ORC5: variants seen among roughly 807,000 people sequenced by gnomAD.
ORC5 encodes origin recognition complex subunit 5.
In ORC5, 39 loss-of-function variants were observed where a neutral mutation model predicts 58.8. The observed-to-expected ratio is 0.66, with a 90% CI of 0.51 to 0.87. The LOEUF (loss-of-function observed/expected upper bound fraction) is 0.87, where lower values mean the gene tolerates loss of function less well. Among genes scored for constraint, ORC5 ranks in the 40% least tolerant of loss-of-function variants. The pLI is 0.00. For missense variants in ORC5, 493 were observed against 506.3 expected (o/e 0.97, Z 0.25); for synonymous variants, 218 against 177.6 (o/e 1.23, Z -1.81).
At chr7:104,128,895 ATTTT>A (rs923532774) in intron 13 of ORC5, among the ~76,000 whole-genome samples, 1 of 146,526 alleles carries the variant, frequency 6.8e-6, no homozygotes, top group Non-Finnish European at 1.5e-5. Flanking sequence ...TGTGTTGCTA[ATTTT>A]TTTTTTTTCT....
chr7:104,166,145 A>C (rs147134300), intron 10 of ORC5, among the ~76,000 whole-genome samples: 237 of 152,318 alleles, frequency 1.6e-3, no homozygotes, highest in Non-Finnish European at 2.5e-3. Flanking sequence ...GTGAAATAGG[A>C]AACAATAAAG....
Position 104,145,337 on chromosome 7 carries a change from AT to A in ORC5, c.1150-8445del, listed in dbSNP as rs777354865. ...GTTAGGTCCCCAAATGCAGGGGGAG[AT>A]TTACACAAAGTCTGTAGTTCCAGCA... On this transcript the variant is annotated intron_variant, in intron 12 of 13. Coordinates refer to ENST00000297431, the MANE Select transcript of ORC5 (RefSeq NM_002553.4). Among the ~76,000 whole-genome samples the A allele has an allele frequency of 1.5e-3, 229 of 152,310 alleles. 1 individual carries two copies. The highest frequency in any genetic ancestry group is 1.3e-3 in the Non-Finnish European group (87 of 68,022).
chr7:104,197,580 C>A (rs1799830088), intron 4 of ORC5, 145 bp downstream of exon 4: 1 of 527,516 alleles, frequency 1.9e-6, no homozygotes, highest in Non-Finnish European at 3.3e-6. Context: ...ATGAAAAAAA[C>A]ACTGAGCTTT....
At chr7:104,163,681 C>T (rs983712994) in intron 11 of ORC5, among the ~76,000 whole-genome samples, 5 of 151,958 alleles carry the variant, frequency 3.3e-5, no homozygotes, top group South Asian at 4.1e-4. Flanking sequence ...TTAGTAGAGC[C>T]GGGGTTTCAC....
chr7:104,160,029 AC>A (rs1798997387), intron 12 of ORC5, among the ~76,000 whole-genome samples: 1 of 152,172 alleles, frequency 6.6e-6, no homozygotes. Flanking sequence ...TTAGTGATCT[AC>A]CTACCTATCT....
chr7:104,165,195 T>C, intron 11 of ORC5, 40 bp downstream of exon 11: 1 of 1,004,864 alleles, frequency 1.0e-6, no homozygotes, highest in Non-Finnish European at 1.5e-6. Context: ...ATTATCTTCA[T>C]TTCCTAAGTT....
chr7:104,139,002 G>A (rs10242752), intron 12 of ORC5, among the ~76,000 whole-genome samples: 8,089 of 152,126 alleles, frequency 0.053, 712 homozygotes, highest in African/African-American at 0.18. Context: ...TTCTTTGAGC[G>A]CCCATTGTCT....
At chr7:104,181,222 TTC>T (rs748421528) in intron 8 of ORC5, among the ~76,000 whole-genome samples, 11 of 152,352 alleles carry the variant, frequency 7.2e-5, no homozygotes, top group East Asian at 1.9e-4. Context: ...TGAGAAAATT[TTC>T]TCTCTTAATC....
Position 104,185,484 on chromosome 7 carries a change from A to T in ORC5, c.685-1313T>A, listed in dbSNP as rs140882991. On this transcript the variant is annotated intron_variant, in intron 6 of 13. Transcript: ENST00000297431. ...ATTAACTGTTGTTTTCTAAGGTCTG[A>T]ACATTCTCATAAACTAAACATCATT... is the stretch of plus-strand genomic sequence containing the variant. Among the ~76,000 whole-genome samples, 856 of 152,152 alleles carry T rather than the reference A, an allele frequency of 5.6e-3. 3 individuals are homozygous for T. The highest frequency in any genetic ancestry group is 8.6e-3 in the Non-Finnish European group (582 of 68,030).
At chr7:104,134,498 T>C (rs929447182) in intron 13 of ORC5, among the ~76,000 whole-genome samples, 2 of 137,224 alleles carry the variant, frequency 1.5e-5, no homozygotes, top group Non-Finnish European at 3.1e-5. Context: ...ATACATGAGG[T>C]GGAATGGCTG....
chr7:104,183,393 T>C (rs557178207), intron 8 of ORC5, among the ~76,000 whole-genome samples: 1 of 152,050 alleles, frequency 6.6e-6, no homozygotes, highest in Admixed American at 6.5e-5. Context: ...ACAATAAAAA[T>C]CTAACTACAG....
In ORC5 at chr7:104,142,348, A is replaced by G. The variant is rs115545380; in HGVS notation, c.1150-5455T>C. On this transcript the variant is annotated intron_variant, in intron 12 of 13. Transcript: ENST00000297431. The stretch of plus-strand genomic sequence containing the variant: ...AGTTTTGGCAATGATTTTTTTGGAT[A>G]GGCTGCCAAAAGCACAGGAAACAAA... Among the ~76,000 whole-genome samples the G allele has an allele frequency of 6.4e-3, 970 of 152,310 alleles. 12 individuals are homozygous for G. Among genetic ancestry groups the G allele is most frequent in the African/African-American group, 0.022 (897 of 41,586 alleles).
chr7:104,174,684 G>A (rs886088392), intron 8 of ORC5, among the ~76,000 whole-genome samples: 10 of 152,160 alleles, frequency 6.6e-5, no homozygotes, highest in African/African-American at 2.4e-4. Context: ...AGATAGAAAC[G>A]CCTGAAACTG....
At chr7:104,157,591 C>T (rs1018787663) in intron 12 of ORC5, among the ~76,000 whole-genome samples, 1 of 152,022 alleles carries the variant, frequency 6.6e-6, no homozygotes, top group Non-Finnish European at 1.5e-5. Context: ...GCTATAACCA[C>T]GAAGACTGCG....
chr7:104,207,768 G>C lies in ORC5; in HGVS notation c.72+65C>G, dbSNP rs988602658. ...TCCAAACACGAAAAAACAAATATTG[G>C]AACAGGTCGCAAGACTACCGAAACG... On this transcript the variant is annotated intron_variant, in intron 1 of 13. Coordinates refer to ENST00000297431, the MANE Select transcript of ORC5 (RefSeq NM_002553.4). The C allele has an allele frequency of 3.4e-6, 5 of 1,480,424 alleles. No individual in the cohort carries two copies. The Admixed American group carries it at 5.1e-5, about 15-fold the overall frequency. 91.7% of individuals were successfully genotyped at this position (1,480,424 alleles called of 1,614,324 possible).
intron 12 of ORC5, among the ~76,000 whole-genome samples, chr7:104,152,394 CCA>C (rs1383600449): frequency 6.6e-6 from 1 of 152,056 alleles, no homozygotes; most frequent in Non-Finnish European, 1.5e-5. Flanking sequence ...TCCTCCTACC[CCA>C]GTCTCTCAAA....
intron 3 of ORC5, among the ~76,000 whole-genome samples, chr7:104,200,527 G>A (rs1047387672): frequency 2.6e-5 from 4 of 152,142 alleles, no homozygotes; most frequent in African/African-American, 9.7e-5. Context: ...TTTTGCATCT[G>A]GTGACAATCA....
chr7:104,181,966 TAGAG>T (rs1469561884), intron 8 of ORC5, among the ~76,000 whole-genome samples: 2 of 152,062 alleles, frequency 1.3e-5, no homozygotes, highest in African/African-American at 4.8e-5. Context: ...GTGATCAACA[TAGAG>T]AGAAAAGGTT....
At chr7:104,183,337 T>C (rs778032256) in intron 8 of ORC5, among the ~76,000 whole-genome samples, 1 of 152,106 alleles carries the variant, frequency 6.6e-6, no homozygotes, top group Non-Finnish European at 1.5e-5. Context: ...CCCTTCGACA[T>C]GTGAACAGAC....
Sources: gnomAD v4.1 joint callset for allele counts (sites outside exome capture counted in the v4.1 genomes callset) on GRCh38, gnomAD v4.1.1 for gene constraint, MANE v1.5 for transcripts, NCBI Gene and HGNC (gene_info 2026-07-23, HGNC 2026-07-21) for gene names.